PCLAF: variants seen among roughly 807,000 people sequenced by gnomAD.
PCLAF encodes the protein PCNA clamp associated factor.
A neutral mutation model predicts 15.1 loss-of-function variants in PCLAF; 12 were observed. That is an observed-to-expected ratio of 0.79 (90% CI 0.51 to 1.29). PCLAF has a LOEUF of 1.29. PCLAF is among the 50% of genes most tolerant of loss of function. The pLI is 0.00. For synonymous variants in PCLAF, 33 were observed against 47.1 expected, an observed-to-expected ratio of 0.70 and a Z score of 1.22; for missense variants, 116 against 130.9, an observed-to-expected ratio of 0.89 and a Z score of 0.56.
chr15:64,377,470 CAAAA>C (rs771209859), intron 2 of PCLAF, among the ~76,000 whole-genome samples: 15 of 912 alleles, frequency 0.016, 1 homozygote, highest in South Asian at 0.11. Context: ...GACTCTGTCT[CAAAA>C]AAAAAAAAAA....
intron 2 of PCLAF, among the ~76,000 whole-genome samples, chr15:64,379,048 C>T (rs900549684): frequency 6.6e-6 from 1 of 151,984 alleles, no homozygotes; most frequent in African/African-American, 2.4e-5. Flanking sequence ...TTCATACATC[C>T]AATTATTCGG....
chr15:64,364,678 T>G lies in PCLAF; in HGVS notation c.*1352A>C, dbSNP rs1898960795. 3.3e-5 allele frequency: 5 copies of G among 150,326 alleles called. No individual in the cohort carries two copies. Among genetic ancestry groups the G allele is most frequent in the Admixed American group, 3.3e-4 (5 of 15,118 alleles). 9.3% of individuals were successfully genotyped at this position (150,326 alleles called of 1,614,324 possible). On this transcript the variant is annotated 3_prime_UTR_variant, in exon 4 of 4. Transcript: ENST00000300035. Reference sequence around the variant, plus strand: ...ATTGTTCATATATAAATATATATTTTTTTCTTTTCTTTCTTTTTTTTTTTT... The same window carrying G: ...ATTGTTCATATATAAATATATATTTGTTTCTTTTCTTTCTTTTTTTTTTTT...
chr15:64,381,476 C>A, upstream of PCLAF: 2 of 1,603,638 alleles, frequency 1.2e-6, no homozygotes, highest in South Asian at 2.2e-5. Context: ...TTATATTGGT[C>A]TCTTTCCCGC....
chr15:64,387,645 A>G, exon 1 of PCLAF: 1 of 1,416,602 alleles, frequency 7.1e-7, no homozygotes, highest in Non-Finnish European at 9.2e-7. Context: ...AGAATCATGC[A>G]CTGACAGAGC....
intron 1 of PCLAF, 24 bp downstream of exon 1, chr15:64,381,302 C>CA: frequency 6.2e-7 from 1 of 1,613,910 alleles, no homozygotes; most frequent in South Asian, 1.1e-5. Context: ...CCCCGCCCTC[C>CA]AGTACCACAC....
At chr15:64,368,961 C>T (rs1357619157) in intron 3 of PCLAF, among the ~76,000 whole-genome samples, 2 of 152,010 alleles carry the variant, frequency 1.3e-5, no homozygotes, top group African/African-American at 4.8e-5. Flanking sequence ...TCAGCTTGTT[C>T]CTGTTGGAAA....
intron 3 of PCLAF, among the ~76,000 whole-genome samples, chr15:64,371,555 C>T (rs919509710): frequency 6.6e-6 from 1 of 152,144 alleles, no homozygotes; most frequent in East Asian, 1.9e-4. Context: ...CATGAGCCGC[C>T]GTGCCCAGCC....
In PCLAF at chr15:64,377,470, C is replaced by CAAA. The variant is rs771209859; in HGVS notation, c.128-568_128-566dup. On this transcript the variant is annotated intron_variant, in intron 2 of 3. Coordinates refer to ENST00000300035, the MANE Select transcript of PCLAF (RefSeq NM_014736.6). ...CTGGCAACAGAGCGAGACTCTGTCT[C>CAAA]AAAAAAAAAAAAAAAAAAATATATA... Among the ~76,000 whole-genome samples, 4 of 912 alleles carry CAAA rather than the reference C, an allele frequency of 4.4e-3. 1 individual carries two copies. Among genetic ancestry groups the CAAA allele is most frequent in the African/African-American group, 8.6e-3 (4 of 464 alleles). 0.6% of individuals were successfully genotyped at this position (912 alleles called of 152,430 possible).
intron 3 of PCLAF, among the ~76,000 whole-genome samples, chr15:64,374,891 A>G (rs1402398341): frequency 1.3e-5 from 2 of 151,878 alleles, no homozygotes; most frequent in Non-Finnish European, 2.9e-5. Context: ...AAAGGAAAAA[A>G]GGAATGAGAT....
intron 3 of PCLAF, chr15:64,373,812 A>G (rs1303413871): frequency 3.9e-6 from 6 of 1,525,426 alleles, no homozygotes; most frequent in Non-Finnish European, 5.3e-6. Flanking sequence ...AAGGGGCATC[A>G]TAATGGCAGT....
chr15:64,384,905 T>C (rs1390140467), upstream of PCLAF, among the ~76,000 whole-genome samples: 2 of 152,034 alleles, frequency 1.3e-5, no homozygotes, highest in African/African-American at 4.8e-5. Flanking sequence ...AAAGAATGCC[T>C]TTTTCTTTTT....
In PCLAF at chr15:64,375,102, T is replaced by C. The variant is rs532015143; in HGVS notation, c.290+1641A>G. On this transcript the variant is annotated intron_variant, in intron 3 of 3. Transcript: ENST00000300035. ...ATTTCTATATTTTCCAACTTTTCCATATTGGTCATATTTTTATTTTTATTT... is the reference window on the plus strand; with the variant it reads ...ATTTCTATATTTTCCAACTTTTCCACATTGGTCATATTTTTATTTTTATTT... Among the ~76,000 whole-genome samples the C allele has an allele frequency of 2.6e-5, 4 of 152,202 alleles. No homozygotes were observed. The South Asian group carries it at 8.3e-4, about 32-fold the overall frequency.
chr15:64,378,721 G>T (rs1899717219), intron 2 of PCLAF, among the ~76,000 whole-genome samples: 1 of 152,040 alleles, frequency 6.6e-6, no homozygotes, highest in Non-Finnish European at 1.5e-5. Flanking sequence ...GAACAGCCTG[G>T]CCAACATGGT....
chr15:64,385,166 C>T (rs529878420), upstream of PCLAF, among the ~76,000 whole-genome samples: 113 of 152,186 alleles, frequency 7.4e-4, 1 homozygote, highest in African/African-American at 2.5e-3. Flanking sequence ...CTGAGATTAC[C>T]GGTGTGGGCT....
At chr15:64,377,488 A>AATATATAT (rs1166593614) in intron 2 of PCLAF, among the ~76,000 whole-genome samples, 13 of 29,302 alleles carry the variant, frequency 4.4e-4, no homozygotes, top group Admixed American at 1.2e-3. Context: ...AAAAAAAAAA[A>AATATATAT]ATATATATAT....
chr15:64,375,457 C>A (rs1899569982), intron 3 of PCLAF, among the ~76,000 whole-genome samples: 1 of 152,094 alleles, frequency 6.6e-6, no homozygotes, highest in Non-Finnish European at 1.5e-5. Flanking sequence ...GCCACCCATG[C>A]TGGAGTACAG....
chr15:64,370,367 T>C (rs996473829), intron 3 of PCLAF, among the ~76,000 whole-genome samples: 1 of 150,480 alleles, frequency 6.6e-6, no homozygotes, highest in Non-Finnish European at 1.5e-5. Flanking sequence ...ATGGAGTACG[T>C]ATTTCTTTTT....
At chr15:64,378,871 A>G (rs1899723199) in intron 2 of PCLAF, among the ~76,000 whole-genome samples, 1 of 151,872 alleles carries the variant, frequency 6.6e-6, no homozygotes, top group African/African-American at 2.4e-5. Context: ...AGTTCATGCC[A>G]CTGCACTCCA....
At chr15:64,367,714 A>AT (rs1404346011) in intron 3 of PCLAF, among the ~76,000 whole-genome samples, 6 of 150,762 alleles carry the variant, frequency 4.0e-5, no homozygotes, top group Non-Finnish European at 8.9e-5. Context: ...TGCCCACCTA[A>AT]TTTTTTTGTA....
Sources: allele counts gnomAD v4.1 joint callset (sites outside exome capture counted in the v4.1 genomes callset), GRCh38; gene constraint gnomAD v4.1.1; transcripts MANE v1.5; gene names NCBI Gene and HGNC (gene_info 2026-07-23, HGNC 2026-07-21).